Variants in INSR observed in about 807,000 individuals in gnomAD.
INSR encodes insulin receptor.
A neutral mutation model predicts 142.6 loss-of-function variants in INSR; 67 were observed. The observed-to-expected ratio is 0.47, with a 90% confidence interval of 0.39 to 0.58. INSR has a LOEUF of 0.58. Ranked by LOEUF, INSR falls within the 20% of genes least tolerant of loss-of-function variation. The pLI is 0.00. For synonymous variants in INSR, 756 were observed against 743.1 expected (o/e 1.02, Z -0.28); for missense variants, 1,248 against 1,833.2 (o/e 0.68, Z 5.83).
intron 2 of INSR, among the ~76,000 whole-genome samples, chr19:7,206,191 G>T (rs1975100735): frequency 6.6e-6 from 1 of 151,760 alleles, no homozygotes; most frequent in Non-Finnish European, 1.5e-5. Context: ...TTGAGAGACA[G>T]AATCTCATTC....
intron 1 of INSR, chr19:7,268,438 G>A (rs1388322387): frequency 1.0e-6 from 1 of 985,098 alleles, no homozygotes; most frequent in Non-Finnish European, 1.2e-6. Context: ...GCTTCCCAGG[G>A]AGCCCGATCT....
intron 2 of INSR, among the ~76,000 whole-genome samples, chr19:7,206,838 C>T (rs928610540): frequency 1.3e-5 from 2 of 152,054 alleles, no homozygotes; most frequent in African/African-American, 4.8e-5. Context: ...TTCTAAAGCC[C>T]AAATATCACG....
intron 3 of INSR, among the ~76,000 whole-genome samples, chr19:7,175,202 T>A (rs79969513): frequency 6.6e-6 from 1 of 151,952 alleles, no homozygotes; most frequent in African/African-American, 2.4e-5. Flanking sequence ...ATAGGACATA[T>A]CGCTTGATTG....
chr19:7,248,800 C>G (rs1976615307), intron 2 of INSR, among the ~76,000 whole-genome samples: 1 of 123,636 alleles, frequency 8.1e-6, no homozygotes, highest in Non-Finnish European at 1.6e-5. Flanking sequence ...CTCTGTTGCC[C>G]AGGCTGGAGT....
At chr19:7,188,059 C>T (rs1029468128) in intron 2 of INSR, among the ~76,000 whole-genome samples, 1 of 152,052 alleles carries the variant, frequency 6.6e-6, no homozygotes, top group Non-Finnish European at 1.5e-5. Context: ...TCAGCCCTAC[C>T]TTAGGACCTT....
chr19:7,137,245 C>T (rs958726302), intron 13 of INSR, among the ~76,000 whole-genome samples: 37 of 146,518 alleles, frequency 2.5e-4, no homozygotes, highest in Non-Finnish European at 4.9e-4. Context: ...TAAGTTACAG[C>T]TCAATAAAGC....
intron 2 of INSR, among the ~76,000 whole-genome samples, chr19:7,201,005 G>A (rs1974939238): frequency 6.6e-6 from 1 of 152,094 alleles, no homozygotes; most frequent in Admixed American, 6.6e-5. Flanking sequence ...CTGTTTGTTG[G>A]GGGCATTTTG....
intron 2 of INSR, among the ~76,000 whole-genome samples, chr19:7,190,118 G>A (rs756146563): frequency 6.6e-6 from 1 of 151,844 alleles, no homozygotes; most frequent in Non-Finnish European, 1.5e-5. Flanking sequence ...AGGCTGAGGC[G>A]GGAGGATTGC....
Position 7,246,497 on chromosome 19 carries a change from T to TGA in INSR, c.652+20846_652+20847dup, listed in dbSNP as rs769420236. On this transcript the variant is annotated intron_variant, in intron 2 of 21. Coordinates refer to ENST00000302850, the MANE Select transcript of INSR (RefSeq NM_000208.4). ...ACAACCCACTGGTTGATCCCAGACATGAGAGAGAAAAGAGCCTGTGTTTGT... is the reference window on the plus strand; with the variant it reads ...ACAACCCACTGGTTGATCCCAGACATGAGAGAGAGAAAAGAGCCTGTGTTTGT... Among the ~76,000 whole-genome samples, 399 of 152,094 alleles carry TGA rather than the reference T, an allele frequency of 2.6e-3. 4 individuals are homozygous for TGA. Among genetic ancestry groups the TGA allele is most frequent in the Non-Finnish European group, 2.0e-3 (134 of 67,990 alleles).
chr19:7,239,255 T>G (rs1255166771), intron 2 of INSR, among the ~76,000 whole-genome samples: 3 of 152,088 alleles, frequency 2.0e-5, no homozygotes, highest in East Asian at 3.8e-4. Flanking sequence ...CACCTCTTTG[T>G]GACGTTGCCA....
chr19:7,273,611 G>C (rs1967984110), intron 1 of INSR, among the ~76,000 whole-genome samples: 1 of 151,236 alleles, frequency 6.6e-6, no homozygotes, highest in African/African-American at 2.4e-5. Context: ...CTCCACTTCT[G>C]GGGTTCAAGC....
chr19:7,231,295 G>GTTTTTTTT (rs59830751), intron 2 of INSR, among the ~76,000 whole-genome samples: 110 of 134,990 alleles, frequency 8.1e-4, no homozygotes, highest in African/African-American at 2.9e-3. Flanking sequence ...GGTGTTTTTT[G>GTTTTTTTT]TTTTTTTTTT....
chr19:7,226,524 A>G (rs1975789284), intron 2 of INSR, among the ~76,000 whole-genome samples: 1 of 151,898 alleles, frequency 6.6e-6, no homozygotes, highest in Non-Finnish European at 1.5e-5. Context: ...CTGAGAGGTC[A>G]AGACCATCCC....
chr19:7,179,980 G>A (rs989464288), intron 3 of INSR, among the ~76,000 whole-genome samples: 1 of 152,184 alleles, frequency 6.6e-6, no homozygotes. Context: ...ATTGAGGTCT[G>A]CCCTTCCTGG....
intron 2 of INSR, among the ~76,000 whole-genome samples, chr19:7,246,855 A>C (rs111249543): frequency 7.1e-6 from 1 of 140,310 alleles, no homozygotes; most frequent in Non-Finnish European, 1.5e-5. Context: ...AACAAGTTCC[A>C]AGTTGTATGT....
At chr19:7,132,047 GT>G in intron 14 of INSR, 110 bp downstream of exon 14, 1 of 1,360,432 alleles carries the variant, frequency 7.4e-7, no homozygotes, top group Non-Finnish European at 1.1e-6. Context: ...AGGCCTGAGA[GT>G]CAAGGCCAGG....
At chr19:7,142,388 T>C (rs1973091222) in intron 12 of INSR, among the ~76,000 whole-genome samples, 1 of 45,658 alleles carries the variant, frequency 2.2e-5, no homozygotes, top group Non-Finnish European at 3.4e-5. Context: ...AGACTTCATC[T>C]CAAAAAAAAA....
At chr19:7,165,296 A>G (rs1973865522) in intron 8 of INSR, among the ~76,000 whole-genome samples, 1 of 151,916 alleles carries the variant, frequency 6.6e-6, no homozygotes, top group African/African-American at 2.4e-5. Flanking sequence ...ATCTCAAACA[A>G]ACAAACATAA....
At chr19:7,135,242 C>A (rs529661129) in intron 13 of INSR, among the ~76,000 whole-genome samples, 1 of 131,348 alleles carries the variant, frequency 7.6e-6, no homozygotes, top group South Asian at 2.5e-4. Context: ...TAGAGAGGGA[C>A]AAATAAGCAA....
Sources: allele counts gnomAD v4.1 joint callset (sites outside exome capture counted in the v4.1 genomes callset), GRCh38; gene constraint gnomAD v4.1.1; transcripts MANE v1.5; gene names NCBI Gene and HGNC (gene_info 2026-07-23, HGNC 2026-07-21).